OTOGL: variants seen among roughly 807,000 people sequenced by gnomAD.
OTOGL encodes otogelin like.
A neutral mutation model predicts 318.5 loss-of-function variants in OTOGL; 285 were observed. The observed-to-expected ratio is 0.89, with a 90% CI of 0.81 to 0.99. OTOGL has a LOEUF of 0.99. OTOGL is among the 50% of genes least tolerant of loss of function. OTOGL has a pLI of 0.00. For missense variants in OTOGL, 2,899 were observed against 2,845.6 expected (o/e 1.02, Z -0.43); for synonymous variants, 987 against 936.5 (o/e 1.05, Z -0.99).
intron 30 of OTOGL, among the ~76,000 whole-genome samples, chr12:80,313,182 T>C (rs946490978): frequency 2.0e-5 from 3 of 152,306 alleles, no homozygotes; most frequent in Non-Finnish European, 4.4e-5. Flanking sequence ...TGTCATGTGA[T>C]TACATCAATA....
At chr12:80,242,715 G>A (rs1325804897) in intron 11 of OTOGL, among the ~76,000 whole-genome samples, 3 of 152,064 alleles carry the variant, frequency 2.0e-5, no homozygotes, top group African/African-American at 4.8e-5. Context: ...CTTGGAGAAA[G>A]AGAAAAAATT....
chr12:80,285,714 A>G (rs778801030), intron 26 of OTOGL, among the ~76,000 whole-genome samples: 3 of 152,144 alleles, frequency 2.0e-5, no homozygotes, highest in Admixed American at 6.6e-5. Context: ...ATTTTTGCAC[A>G]TTGATTTTGC....
intron 1 of OTOGL, among the ~76,000 whole-genome samples, chr12:80,151,913 T>C (rs1028776813): frequency 7.2e-5 from 11 of 152,260 alleles, no homozygotes; most frequent in African/African-American, 2.7e-4. Context: ...GTCTGTGCTT[T>C]GCAGTTCACT....
intron 1 of OTOGL, among the ~76,000 whole-genome samples, chr12:80,127,286 C>T (rs1870912662): frequency 6.6e-6 from 1 of 152,074 alleles, no homozygotes; most frequent in South Asian, 2.1e-4. Flanking sequence ...TATTTTATTT[C>T]TCCTTCACTT....
Position 80,320,512 on chromosome 12 carries a change from A to T in OTOGL, c.3893A>T (p.Glu1298Val). Residue 1298 changes from glutamate (E) to valine (V), a missense_variant, in exon 34 of 59, where the codon GAG (glutamate) becomes GTG (valine). By Grantham distance (121) the Glu-to-Val change is moderately radical. Coordinates refer to ENST00000547103, the MANE Select transcript of OTOGL (RefSeq NM_001378609.3). ...DNDTLSLELWEANSAFHRRAT... is the reference protein window; with the variant it reads ...DNDTLSLELWVANSAFHRRAT... ...GATACTCTTAGCTTGGAGCTGTGGG[A>T]GGCGAATTCAGCCTTTCATCGGAGA... The T allele has an allele frequency of 1.2e-6, 2 of 1,613,650 alleles. No homozygotes were observed. The highest frequency in any genetic ancestry group is 1.7e-6 in the Non-Finnish European group (2 of 1,179,732).
At chr12:80,291,272 A>G (rs926255706) in intron 26 of OTOGL, among the ~76,000 whole-genome samples, 1 of 152,222 alleles carries the variant, frequency 6.6e-6, no homozygotes, top group Non-Finnish European at 1.5e-5. Flanking sequence ...CCTCATTTCT[A>G]TGAAAGACAA....
intron 33 of OTOGL, among the ~76,000 whole-genome samples, chr12:80,319,388 T>G (rs1206560800): frequency 6.6e-6 from 1 of 152,166 alleles, no homozygotes; most frequent in Non-Finnish European, 1.5e-5. Context: ...AGGAATTTAT[T>G]TGTTGGATGA....
intron 48 of OTOGL, 105 bp from the exon 49 acceptor site, chr12:80,356,702 G>A: frequency 2.9e-6 from 2 of 678,620 alleles, no homozygotes; most frequent in Non-Finnish European, 4.6e-6. Flanking sequence ...ATATGATTAA[G>A]AACTTTAAAA....
intron 50 of OTOGL, 120 bp from the exon 51 acceptor site, chr12:80,358,551 A>T (rs1225729095): frequency 1.1e-6 from 1 of 876,664 alleles, no homozygotes. Flanking sequence ...ACGGTGGGAG[A>T]GGTAGCACTT....
chr12:80,119,072 A>G lies in OTOGL; in HGVS notation c.-20+19467A>G, dbSNP rs182546912. Among the ~76,000 whole-genome samples, 48 of 152,274 alleles carry G rather than the reference A, an allele frequency of 3.2e-4. No homozygotes were observed. In the East Asian group the frequency reaches 6.6e-3, roughly 21 times the overall value. ...GGGAATTTGAGGAGCATGATTGTTT[A>G]TATTCTAGAAAAGACAGTGGGAAGA... On this transcript the variant is annotated intron_variant, in intron 1 of 58. Transcript: ENST00000547103.
chr12:80,317,949 T>G (rs1244016300), intron 32 of OTOGL, among the ~76,000 whole-genome samples: 1 of 152,132 alleles, frequency 6.6e-6, no homozygotes, highest in Non-Finnish European at 1.5e-5. Flanking sequence ...TCTCATAGTT[T>G]ATAAGGGTCC....
chr12:80,172,232 C>T (rs1400170568), intron 1 of OTOGL, among the ~76,000 whole-genome samples: 1 of 152,030 alleles, frequency 6.6e-6, no homozygotes, highest in Non-Finnish European at 1.5e-5. Flanking sequence ...CAGTCTGACC[C>T]TCCTCAAATG....
chr12:80,111,431 G>A (rs1358144585), intron 1 of OTOGL, among the ~76,000 whole-genome samples: 3 of 152,156 alleles, frequency 2.0e-5, no homozygotes, highest in East Asian at 1.9e-4. Context: ...TGTATAAGGT[G>A]TAAGGAAGGG....
intron 1 of OTOGL, among the ~76,000 whole-genome samples, chr12:80,208,445 C>T (rs916715841): frequency 1.3e-5 from 2 of 152,226 alleles, no homozygotes; most frequent in Non-Finnish European, 2.9e-5. Flanking sequence ...TTCCTTACTA[C>T]TGCACACTGG....
chr12:80,226,174 C>A (rs79087504), intron 7 of OTOGL, among the ~76,000 whole-genome samples: 3,291 of 89,648 alleles, frequency 0.037, 131 homozygotes, highest in African/African-American at 0.12. Context: ...CCTTCCTGCT[C>A]CTAACACACA....
intron 1 of OTOGL, among the ~76,000 whole-genome samples, chr12:80,200,966 A>G (rs1219300107): frequency 6.6e-6 from 1 of 152,200 alleles, no homozygotes; most frequent in Admixed American, 6.5e-5. Flanking sequence ...TAATGTTTAA[A>G]TTTAATCTAG....
At chr12:80,270,583 G>C (rs1035925612) in intron 23 of OTOGL, among the ~76,000 whole-genome samples, 1 of 152,080 alleles carries the variant, frequency 6.6e-6, no homozygotes, top group Non-Finnish European at 1.5e-5. Flanking sequence ...TGATTCATTA[G>C]GTCAGGGGTG....
Position 80,257,844 on chromosome 12 carries a change from T to C in OTOGL, c.1731T>C (p.Thr577=). Residue 577 remains threonine (T), a synonymous_variant, in exon 18 of 59, where the codon ACT becomes ACC. Coordinates refer to ENST00000547103, the MANE Select transcript of OTOGL (RefSeq NM_001378609.3). Reference sequence around the variant, plus strand: ...CTGCAGGTATTGTTGAAATTCAAACTCTGTCATCCTTATTTATACTTCTAA... The same window carrying C: ...CTGCAGGTATTGTTGAAATTCAAACCCTGTCATCCTTATTTATACTTCTAA... ...FNLNGIVEIQ[T]LSSLFILLKT... 6.3e-7 allele frequency: 1 copy of C among 1,578,348 alleles called. No homozygotes were observed. Among genetic ancestry groups the C allele is most frequent in the Non-Finnish European group, 8.5e-7 (1 of 1,171,038 alleles).
chr12:80,231,926 C>T (rs990776974), intron 8 of OTOGL, among the ~76,000 whole-genome samples: 4 of 152,086 alleles, frequency 2.6e-5, no homozygotes, highest in East Asian at 1.9e-4. Flanking sequence ...CGTGAGCCAC[C>T]GAGCCCAGCT....
Sources: gnomAD v4.1 joint callset for allele counts (sites outside exome capture counted in the v4.1 genomes callset) on GRCh38, gnomAD v4.1.1 for gene constraint, MANE v1.5 for transcripts, NCBI Gene and HGNC (gene_info 2026-07-23, HGNC 2026-07-21) for gene names.